The following GTF2A2 variants were observed in gnomAD, a reference collection of about 807,000 sequenced individuals.
The protein encoded by GTF2A2 is transcription initiation factor IIA subunit 2.
GTF2A2 carries 9 observed loss-of-function variants against 14.3 expected under a neutral mutation model. That is an observed-to-expected ratio of 0.63 (90% CI 0.38 to 1.10). GTF2A2 has a LOEUF of 1.10. Among genes scored for constraint, GTF2A2 ranks in the 50% least tolerant of loss-of-function variants. The probability of loss-of-function intolerance (pLI) is 0.01; values close to 1 mark genes in which losing one functional copy is unlikely to be tolerated. For missense variants in GTF2A2, 90 were observed against 124.6 expected (o/e 0.72, Z 1.32); for synonymous variants, 56 against 46.0 (o/e 1.22, Z -0.88).
At chr15:59,653,949 G>C (rs559131064) in intron 1 of GTF2A2, among the ~76,000 whole-genome samples, 2 of 152,014 alleles carry the variant, frequency 1.3e-5, no homozygotes, top group African/African-American at 4.8e-5. Context: ...CTTTCAGCTC[G>C]TCCTTCTAAC....
intron 1 of GTF2A2, among the ~76,000 whole-genome samples, chr15:59,655,433 A>G (rs539941425): frequency 2.6e-5 from 4 of 152,304 alleles, no homozygotes; most frequent in African/African-American, 9.6e-5. Flanking sequence ...CTCTAGCCTC[A>G]CTCAGAATAT....
rs1891595768 is a variant in GTF2A2, at chr15:59,646,056, A to G, written c.178-3794T>C. On this transcript the variant is annotated intron_variant, in intron 3 of 4. Coordinates refer to ENST00000396060, the MANE Select transcript of GTF2A2 (RefSeq NM_004492.3). ...CTTAAAAAAAAAAAAAAAAGTGTGT[A>G]TATTACTTTTTTTGTTTTGAGACAG... Among the ~76,000 whole-genome samples, 4 of 148,346 alleles carry G rather than the reference A, an allele frequency of 2.7e-5. No individual in the cohort carries two copies. In the South Asian group the frequency reaches 8.6e-4, roughly 32 times the overall value.
chr15:59,649,774 G>C (rs1380613730), intron 3 of GTF2A2, among the ~76,000 whole-genome samples: 1 of 152,072 alleles, frequency 6.6e-6, no homozygotes, highest in Non-Finnish European at 1.5e-5. Context: ...TGAGTATCTA[G>C]AACATGCCTG....
At chr15:59,654,294 T>C (rs544687124) in intron 1 of GTF2A2, among the ~76,000 whole-genome samples, 8 of 152,306 alleles carry the variant, frequency 5.3e-5, no homozygotes, top group Admixed American at 4.6e-4. Flanking sequence ...GGTCCCCTGC[T>C]GTTCTTTGAC....
chr15:59,647,755 A>C (rs1891653205), intron 3 of GTF2A2, among the ~76,000 whole-genome samples: 2 of 152,028 alleles, frequency 1.3e-5, no homozygotes, highest in Non-Finnish European at 1.5e-5. Context: ...ATTTTAGTAA[A>C]GATGAGGTTT....
At chr15:59,639,747 C>T (rs536803624) in intron 4 of GTF2A2, among the ~76,000 whole-genome samples, 180 of 150,980 alleles carry the variant, frequency 1.2e-3, no homozygotes, top group East Asian at 1.2e-3. Flanking sequence ...TGTGAGCCAC[C>T]GTGCCTGGCA....
intron 1 of GTF2A2, among the ~76,000 whole-genome samples, chr15:59,656,119 T>C (rs1419257215): frequency 6.6e-6 from 1 of 152,182 alleles, no homozygotes; most frequent in Non-Finnish European, 1.5e-5. Context: ...GCCTTTACAA[T>C]GATCCGGCTA....
intron 3 of GTF2A2, among the ~76,000 whole-genome samples, chr15:59,647,306 G>A (rs1469399775): frequency 1.3e-5 from 2 of 152,018 alleles, no homozygotes; most frequent in Admixed American, 6.5e-5. Context: ...ACTATATTTC[G>A]CAGACTGCTC....
At chr15:59,641,860 T>C (rs1043162316) in intron 4 of GTF2A2, among the ~76,000 whole-genome samples, 2 of 152,214 alleles carry the variant, frequency 1.3e-5, no homozygotes, top group Admixed American at 1.3e-4. Context: ...CACTTAAAAT[T>C]TGTAATGGAA....
intron 1 of GTF2A2, among the ~76,000 whole-genome samples, chr15:59,656,428 C>CTTTT (rs57474581): frequency 1.3e-5 from 2 of 148,782 alleles, no homozygotes; most frequent in Non-Finnish European, 1.5e-5. Context: ...TTATATTTCT[C>CTTTT]TTTTTTTTTT....
chr15:59,644,954 T>G (rs562131552), intron 3 of GTF2A2, among the ~76,000 whole-genome samples: 1 of 152,142 alleles, frequency 6.6e-6, no homozygotes, highest in East Asian at 1.9e-4. Context: ...CTAAAGGAAG[T>G]AAGACCAACT....
intron 3 of GTF2A2, among the ~76,000 whole-genome samples, chr15:59,647,763 T>A (rs1217263538): frequency 6.6e-6 from 1 of 152,000 alleles, no homozygotes; most frequent in Admixed American, 6.6e-5. Flanking sequence ...AAAGATGAGG[T>A]TTCACTGTGT....
chr15:59,639,270 G>T, intron 4 of GTF2A2, 113 bp from the exon 5 acceptor site: 2 of 723,946 alleles, frequency 2.8e-6, no homozygotes, highest in Non-Finnish European at 5.1e-6. Flanking sequence ...AGTGGTGGTG[G>T]CTTGCAGGGT....
At chr15:59,656,181 C>T (rs60065852) in intron 1 of GTF2A2, among the ~76,000 whole-genome samples, 2 of 152,294 alleles carry the variant, frequency 1.3e-5, no homozygotes, top group East Asian at 3.9e-4. Flanking sequence ...AAAACTCTTG[C>T]TCATCCCTCT....
In GTF2A2 at chr15:59,652,255, T is replaced by C. The variant is rs776042641; in HGVS notation, c.23A>G (p.Asn8Ser). The C allele has an allele frequency of 6.2e-7, 1 of 1,601,910 alleles. No individual in the cohort carries two copies. Among genetic ancestry groups the C allele is most frequent in the South Asian group, 1.1e-5 (1 of 90,690 alleles). MAYQLYR[N>S]TTLGNSLQES... ...CTGAAGACTGTTTCCCAAAGTAGTATTTCTGTATAACTGATATGCCATGGC... is the reference window on the plus strand; with the variant it reads ...CTGAAGACTGTTTCCCAAAGTAGTACTTCTGTATAACTGATATGCCATGGC... The change falls in exon 2 of 5, where the codon AAT becomes AGT. Residue 8 changes from asparagine to serine, a missense_variant. Transcript: ENST00000396060.
At chr15:59,644,222 A>C (rs1251866188) in intron 3 of GTF2A2, 3 of 152,224 alleles carry the variant, frequency 2.0e-5, no homozygotes, top group Non-Finnish European at 2.9e-5. Flanking sequence ...ATGTGATGAA[A>C]GTCGTGCATA....
rs1163899228 is a variant in GTF2A2, at chr15:59,638,687, C to G, written c.*445G>C. 6.6e-6 allele frequency: 1 copy of G among 152,274 alleles called. No homozygotes were observed. 9.4% of individuals were successfully genotyped at this position (152,274 alleles called of 1,614,324 possible). A position where few individuals can be genotyped will look rare whatever the true frequency, so the allele number is the denominator to read the frequency against. The stretch of plus-strand genomic sequence containing the variant: ...AGCAAGGGATTTTCTTAAAAAATTC[C>G]ATCCAGAGTTTGGTTTTGCCCCTGC... On this transcript the variant is annotated 3_prime_UTR_variant, in exon 5 of 5. Transcript: ENST00000396060.
At chr15:59,651,182 T>C (rs1891780321) in intron 2 of GTF2A2, 2 of 154,022 alleles carry the variant, frequency 1.3e-5, no homozygotes, top group Admixed American at 6.5e-5. Flanking sequence ...TTTTTTTTTT[T>C]TTCCTTTTTT....
chr15:59,639,532 C>T (rs1891320544), intron 4 of GTF2A2, among the ~76,000 whole-genome samples: 1 of 147,192 alleles, frequency 6.8e-6, no homozygotes, highest in Admixed American at 6.9e-5. Context: ...GTGATCTTGG[C>T]TCACTGCAGG....
Sources: allele counts gnomAD v4.1 joint callset (sites outside exome capture counted in the v4.1 genomes callset), GRCh38; gene constraint gnomAD v4.1.1; transcripts MANE v1.5; gene names NCBI Gene and HGNC (gene_info 2026-07-23, HGNC 2026-07-21).